AGBL1: variants seen among roughly 807,000 people sequenced by gnomAD.
AGBL1 encodes AGBL carboxypeptidase 1, also known as cytosolic carboxypeptidase 4.
In AGBL1, 130 loss-of-function variants were observed where a neutral mutation model predicts 118.9. The observed-to-expected ratio is 1.09, with a 90% confidence interval of 0.95 to 1.26. AGBL1 has a LOEUF of 1.26. AGBL1 is among the 50% of genes most tolerant of loss of function. The pLI, the probability that AGBL1 is intolerant of heterozygous loss-of-function variation, is 0.00. For missense variants in AGBL1, 1,584 were observed against 1,298.1 expected, an observed-to-expected ratio of 1.22 and a Z score of -3.38; for synonymous variants, 555 against 478.9, an observed-to-expected ratio of 1.16 and a Z score of -2.08.
chr15:87,021,583 T>C (rs2081665237), intron 24 of AGBL1, among the ~76,000 whole-genome samples: 1 of 152,122 alleles, frequency 6.6e-6, no homozygotes. Flanking sequence ...AGAAAATTTT[T>C]GCAATCTATC....
chr15:86,389,869 C>T (rs561155133), intron 17 of AGBL1, among the ~76,000 whole-genome samples: 12 of 151,968 alleles, frequency 7.9e-5, no homozygotes, highest in Non-Finnish European at 1.5e-4. Flanking sequence ...ATTGATTGTA[C>T]ATTAGGACAA....
intron 18 of AGBL1, among the ~76,000 whole-genome samples, chr15:86,436,089 CTTTTTTTTT>C (rs35296563): frequency 3.6e-5 from 4 of 111,542 alleles, no homozygotes; most frequent in Non-Finnish European, 5.2e-5. Flanking sequence ...CCTTTCCTCT[CTTTTTTTTT>C]TTTTTTTTTT....
At chr15:86,558,665 T>C (rs1038094135) in intron 21 of AGBL1, among the ~76,000 whole-genome samples, 16 of 152,204 alleles carry the variant, frequency 1.1e-4, no homozygotes, top group South Asian at 2.1e-4. Context: ...ACTTAAATTG[T>C]TGGAGATGGT....
intron 22 of AGBL1, among the ~76,000 whole-genome samples, chr15:86,708,163 A>C (rs944316923): frequency 6.6e-6 from 1 of 152,116 alleles, no homozygotes; most frequent in Non-Finnish European, 1.5e-5. Flanking sequence ...CTCCAAATGT[A>C]GTTACATTAG....
chr15:86,984,486 C>A (rs1567272489), intron 23 of AGBL1, among the ~76,000 whole-genome samples: 1 of 151,606 alleles, frequency 6.6e-6, no homozygotes, highest in Non-Finnish European at 1.5e-5. Flanking sequence ...CTGCCTCAGC[C>A]TCTCAAGTAG....
chr15:86,976,407 T>C (rs997322424), intron 23 of AGBL1, among the ~76,000 whole-genome samples: 1 of 151,976 alleles, frequency 6.6e-6, no homozygotes. Flanking sequence ...CTAAATAGCA[T>C]TGCATTTGTT....
At chr15:86,106,311 G>A (rs1489278039) in intron 1 of AGBL1, among the ~76,000 whole-genome samples, 1 of 152,224 alleles carries the variant, frequency 6.6e-6, no homozygotes, top group Non-Finnish European at 1.5e-5. Context: ...TGTACCCACT[G>A]TACCTATGAT....
At position 86,080,224 on chromosome 15, in the gene AGBL1, G is replaced by A. The variant is rs541579600; in HGVS notation, c.51+201G>A. ...AAATATTAAACACGACGATGTTGAT[G>A]ATTGTTCTGCTTAAATTATTGATCC... On this transcript the variant is annotated intron_variant, in intron 1 of 22. Transcript: ENST00000614907. 7.6e-6 allele frequency: 3 copies of A among 395,802 alleles called. No homozygotes were observed. The Admixed American group carries it at 1.3e-4, about 18-fold the overall frequency. The allele number at this position is 395,802 out of a possible 1,614,324, so 24.5% of individuals were successfully genotyped here.
At chr15:86,923,581 T>C (rs1009342695) in intron 23 of AGBL1, among the ~76,000 whole-genome samples, 1 of 152,258 alleles carries the variant, frequency 6.6e-6, no homozygotes, top group African/African-American at 2.4e-5. Flanking sequence ...AACTATATCC[T>C]TTCGTGCTTG....
At chr15:86,310,794 C>T (rs1017547136) in intron 17 of AGBL1, among the ~76,000 whole-genome samples, 1 of 152,174 alleles carries the variant, frequency 6.6e-6, no homozygotes, top group Admixed American at 6.5e-5. Context: ...TGCTAGCAAA[C>T]TGGGATGACC....
intron 17 of AGBL1, among the ~76,000 whole-genome samples, chr15:86,347,437 T>C (rs1333058583): frequency 6.6e-6 from 1 of 152,232 alleles, no homozygotes; most frequent in Non-Finnish European, 1.5e-5. Context: ...CATGTTTTCC[T>C]GCAATGGGTG....
downstream of AGBL1, among the ~76,000 whole-genome samples, chr15:87,030,817 A>C (rs1361214742): frequency 6.6e-6 from 1 of 151,842 alleles, no homozygotes; most frequent in Admixed American, 6.6e-5. Context: ...ATTTTTCCCA[A>C]TTATCAGTGT....
chr15:87,020,838 G>C (rs1414561371), intron 24 of AGBL1, among the ~76,000 whole-genome samples: 1 of 152,082 alleles, frequency 6.6e-6, no homozygotes, highest in East Asian at 1.9e-4. Context: ...ACTGCTTGAA[G>C]AAATCAGAGA....
chr15:86,988,191 T>C lies in AGBL1; in HGVS notation c.3323+103T>C, dbSNP rs2081303062. On this transcript the variant is annotated intron_variant, in intron 24 of 24. Transcript: ENST00000441037. ...TGGGACTGGACAAAGAGAAAGTAAA[T>C]GGGTGGGCCAACAACAAAAAAACAA... 4 of 1,398,112 alleles carry C rather than the reference T, an allele frequency of 2.9e-6. No homozygotes were observed. The South Asian group carries it at 4.1e-5, about 14-fold the overall frequency. 86.6% of individuals were successfully genotyped at this position (1,398,112 alleles called of 1,614,324 possible).
chr15:86,837,141 C>T lies in AGBL1; in HGVS notation c.3159-69946C>T, dbSNP rs964368900. 3.3e-5 allele frequency among the ~76,000 whole-genome samples: 5 copies of T among 151,688 alleles called. No individual in the cohort carries two copies. The East Asian group carries it at 9.7e-4, about 30-fold the overall frequency. Reference sequence around the variant, plus strand: ...AAATATTCTTAGCGCATTTCACAGTCTATACAACTTCAGGATCCCTGCATA... The same window carrying T: ...AAATATTCTTAGCGCATTTCACAGTTTATACAACTTCAGGATCCCTGCATA... On this transcript the variant is annotated intron_variant, in intron 22 of 22. Transcript: ENST00000614907.
At chr15:86,831,743 T>G (rs2079107196) in intron 22 of AGBL1, among the ~76,000 whole-genome samples, 1 of 152,192 alleles carries the variant, frequency 6.6e-6, no homozygotes, top group Non-Finnish European at 1.5e-5. Context: ...AAGCTGTCAA[T>G]GGATCTACCT....
chr15:86,750,515 G>T (rs2077833709), intron 22 of AGBL1, among the ~76,000 whole-genome samples: 1 of 151,578 alleles, frequency 6.6e-6, no homozygotes, highest in Non-Finnish European at 1.5e-5. Flanking sequence ...GTAGTTGTTT[G>T]TTTTTGCTTT....
Position 86,154,429 on chromosome 15 carries a change from G to C in AGBL1, c.263-1G>C. 6.2e-7 allele frequency: 1 copy of C among 1,611,454 alleles called. No individual in the cohort carries two copies. Among genetic ancestry groups the C allele is most frequent in the Non-Finnish European group, 8.5e-7 (1 of 1,178,812 alleles). Reference sequence around the variant, plus strand: ...TAAGATAGATTGATTTGTGTTCTTAGATAAAAAGATTGGACGGAAGGCCCT... The same window carrying C: ...TAAGATAGATTGATTTGTGTTCTTACATAAAAAGATTGGACGGAAGGCCCT... On this transcript the variant is annotated splice_acceptor_variant, in intron 3 of 22. Coordinates refer to ENST00000614907, the MANE Select transcript of AGBL1 (RefSeq NM_001386094.1). LOFTEE classifies it high-confidence loss of function.
intron 17 of AGBL1, among the ~76,000 whole-genome samples, chr15:86,393,684 A>G (rs16976752): frequency 0.025 from 3,854 of 152,292 alleles, 165 homozygotes; most frequent in African/African-American, 0.089. Flanking sequence ...CCTTCTTTCC[A>G]ACATTTTTTT....
Sources: allele counts gnomAD v4.1 joint callset (sites outside exome capture counted in the v4.1 genomes callset), GRCh38; gene constraint gnomAD v4.1.1; transcripts MANE v1.5; gene names NCBI Gene and HGNC (gene_info 2026-07-23, HGNC 2026-07-21).